FBXO34: variants seen among roughly 807,000 people sequenced by gnomAD.
FBXO34 encodes the protein F-box only protein 34.
A neutral mutation model predicts 24.5 loss-of-function variants in FBXO34; 12 were observed. The ratio of observed to expected loss-of-function variants is 0.49; its 90% CI spans 0.31 to 0.79. The LOEUF (loss-of-function observed/expected upper bound fraction) is 0.79. Ranked by LOEUF, FBXO34 falls within the 30% of genes least tolerant of loss-of-function variation. The pLI is 0.04. For missense variants in FBXO34, 823 were observed against 857.7 expected (o/e 0.96, Z 0.51); for synonymous variants, 320 against 311.9 (o/e 1.03, Z -0.27).
At chr14:55,285,591 C>A (rs923044392) in intron 1 of FBXO34, 1 of 152,150 alleles carries the variant, frequency 6.6e-6, no homozygotes, top group Admixed American at 6.5e-5. Context: ...ATGAACACTT[C>A]ATGGGATTTC....
At chr14:55,275,333 T>G (rs1032389101) in intron 1 of FBXO34, among the ~76,000 whole-genome samples, 4 of 152,240 alleles carry the variant, frequency 2.6e-5, no homozygotes, top group African/African-American at 9.6e-5. Context: ...TAAGTGTGGT[T>G]ATTGCATTAT....
chr14:55,304,747 G>T (rs1314292005), intron 1 of FBXO34, among the ~76,000 whole-genome samples: 1 of 152,000 alleles, frequency 6.6e-6, no homozygotes, highest in South Asian at 2.1e-4. Context: ...TGATCCTCCC[G>T]CCTCAGCCTC....
the FBXO34 span, chr14:55,378,160 AAC>A: frequency 1.8e-6 from 2 of 1,110,282 alleles, no homozygotes; most frequent in African/African-American, 3.1e-5. Context: ...AATTAGGTAT[AAC>A]ACATACTCTG....
the FBXO34 span, among the ~76,000 whole-genome samples, chr14:55,383,003 T>G: frequency 2.6e-5 from 4 of 152,182 alleles, no homozygotes; most frequent in Non-Finnish European, 5.9e-5. Flanking sequence ...TTTTTTAAAC[T>G]CTCTTTAATA....
At chr14:55,356,995 C>CA (rs1212747937), downstream of FBXO34, among the ~76,000 whole-genome samples, 4 of 152,114 alleles carry the variant, frequency 2.6e-5, no homozygotes, top group Non-Finnish European at 5.9e-5. Context: ...CGTTTTTCCT[C>CA]AAAAAAGCTA....
chr14:55,393,384 C>CA, the FBXO34 span, among the ~76,000 whole-genome samples: 4 of 136,796 alleles, frequency 2.9e-5, no homozygotes, highest in African/African-American at 5.5e-5. Flanking sequence ...GACTCTGTCT[C>CA]AAAAAAAAGA....
At chr14:55,302,994 A>G (rs1422539925) in intron 1 of FBXO34, among the ~76,000 whole-genome samples, 1 of 152,210 alleles carries the variant, frequency 6.6e-6, no homozygotes, top group Non-Finnish European at 1.5e-5. Context: ...AATACTACTG[A>G]GGTGAGCAAG....
the FBXO34 span, among the ~76,000 whole-genome samples, chr14:55,418,681 A>G: frequency 6.6e-6 from 1 of 152,350 alleles, no homozygotes; most frequent in African/African-American, 2.4e-5. Flanking sequence ...ACCCTCAGCA[A>G]CAATGACACA....
At chr14:55,303,300 G>T (rs971679617) in intron 1 of FBXO34, among the ~76,000 whole-genome samples, 4 of 152,222 alleles carry the variant, frequency 2.6e-5, no homozygotes, top group Middle Eastern at 6.8e-3. Context: ...GTATCAGCTG[G>T]ATACTCTGCT....
chr14:55,393,727 C>T, the FBXO34 span, among the ~76,000 whole-genome samples: 2 of 151,610 alleles, frequency 1.3e-5, no homozygotes, highest in African/African-American at 2.4e-5. Flanking sequence ...GGTTTTTGTT[C>T]GTTTTTGTAG....
At chr14:55,439,395 C>T in the FBXO34 span, among the ~76,000 whole-genome samples, 10 of 152,128 alleles carry the variant, frequency 6.6e-5, no homozygotes, top group African/African-American at 2.2e-4. Flanking sequence ...ATCCATGCTG[C>T]AGGGGACAGG....
the FBXO34 span, among the ~76,000 whole-genome samples, chr14:55,400,835 C>T: frequency 1.3e-5 from 2 of 151,726 alleles, no homozygotes. Flanking sequence ...ACCCGGGAAG[C>T]GGAGGTTGCA....
chr14:55,394,566 A>G, the FBXO34 span, among the ~76,000 whole-genome samples: 31 of 152,188 alleles, frequency 2.0e-4, no homozygotes, highest in African/African-American at 2.9e-4. Context: ...TAGCATGTAC[A>G]CTACAGATTC....
chr14:55,440,031 C>T, the FBXO34 span, among the ~76,000 whole-genome samples: 27 of 151,466 alleles, frequency 1.8e-4, 1 homozygote, highest in African/African-American at 6.3e-4. Flanking sequence ...ACCCAGGAGG[C>T]GGAGGTTGCA....
chr14:55,385,712 T>A, the FBXO34 span: 8 of 770,186 alleles, frequency 1.0e-5, no homozygotes, highest in Non-Finnish European at 1.6e-5. Context: ...CGGTGCGTAC[T>A]GTTTGTTGAA....
At chr14:55,295,595 C>A (rs1206985180) in intron 1 of FBXO34, among the ~76,000 whole-genome samples, 1 of 152,030 alleles carries the variant, frequency 6.6e-6, no homozygotes, top group Non-Finnish European at 1.5e-5. Context: ...GGGGTTTTGC[C>A]ATGTTGGCCA....
At chr14:55,290,571 A>T (rs927385518) in intron 1 of FBXO34, among the ~76,000 whole-genome samples, 2 of 151,998 alleles carry the variant, frequency 1.3e-5, no homozygotes, top group Non-Finnish European at 2.9e-5. Context: ...GTCCTCATTG[A>T]CTTAGCAAGA....
At chr14:55,356,432 A>G (rs1884523796), downstream of FBXO34, among the ~76,000 whole-genome samples, 1 of 151,992 alleles carries the variant, frequency 6.6e-6, no homozygotes, top group African/African-American at 2.4e-5. Flanking sequence ...CACTTGGGGA[A>G]TCTGATTGTT....
At chr14:55,356,268 T>C (rs2140099055), downstream of FBXO34, among the ~76,000 whole-genome samples, 1 of 152,346 alleles carries the variant, frequency 6.6e-6, no homozygotes, top group Middle Eastern at 3.4e-3. Flanking sequence ...TGTCCTCCTT[T>C]ATCTACAGCC....
Sources: gnomAD v4.1 joint callset for allele counts (sites outside exome capture counted in the v4.1 genomes callset) on GRCh38, gnomAD v4.1.1 for gene constraint, MANE v1.5 for transcripts, NCBI Gene and HGNC (gene_info 2026-07-23, HGNC 2026-07-21) for gene names.